The following MGAT3 variants were observed in gnomAD, a reference collection of about 807,000 sequenced individuals.
MGAT3 encodes beta-1,4-mannosyl-glycoprotein 4-beta-N-acetylglucosaminyltransferase, also known as GlcNAc-T III.
MGAT3 carries 9 observed loss-of-function variants against 29.8 expected under a neutral mutation model. That is an observed-to-expected ratio of 0.30 (90% CI 0.18 to 0.53). The LOEUF (loss-of-function observed/expected upper bound fraction) is 0.53, where lower values mean the gene tolerates loss of function less well. MGAT3 is among the 20% of genes least tolerant of loss of function. The probability of loss-of-function intolerance (pLI) is 0.96; values close to 1 mark genes in which losing one functional copy is unlikely to be tolerated. For missense variants in MGAT3, 557 were observed against 769.5 expected (o/e 0.72, Z 3.27); for synonymous variants, 397 against 348.9 (o/e 1.14, Z -1.54).
chr22:39,487,769 A>C lies in MGAT3; in HGVS notation c.422A>C (p.Asn141Thr). The change falls in exon 2 of 2, where the codon AAC becomes ACC. Residue 141 changes from asparagine (N) to threonine (T), a missense_variant. Around this residue, in one of 3 missense-constraint regions of MGAT3, gnomAD observed 212 missense variants for 228.5 expected, o/e 0.93. Transcript: ENST00000341184. This position sits in a 1 kb window ranked among gnomAD's most constrained non-coding sequence, Gnocchi z 5.7. ...CCGGAGGAGAAGCCTGAGGGGGCCAACGGCTCCTCGGCCCGGCGGCCACCC... is the reference window on the plus strand; with the variant it reads ...CCGGAGGAGAAGCCTGAGGGGGCCACCGGCTCCTCGGCCCGGCGGCCACCC... ...GRPEEKPEGA[N>T]GSSARRPPRY... is the part of the protein sequence containing the mutation. 3 of 1,504,586 alleles carry C rather than the reference A, an allele frequency of 2.0e-6. No individual in the cohort carries two copies. The highest frequency in any genetic ancestry group is 2.7e-6 in the Non-Finnish European group (3 of 1,129,650). The allele number at this position is 1,504,586 out of a possible 1,614,324, so 93.2% of individuals were successfully genotyped here.
chr22:39,476,535 C>A (rs1928969871), intron 1 of MGAT3: 1 of 152,228 alleles, frequency 6.6e-6, no homozygotes, highest in African/African-American at 2.4e-5. Flanking sequence ...CCAGGCCTGG[C>A]CCCTGAAGCA....
At chr22:39,461,824 GCCAGTGA>G (rs1928505691) in intron 1 of MGAT3, among the ~76,000 whole-genome samples, 1 of 152,092 alleles carries the variant, frequency 6.6e-6, no homozygotes, top group Non-Finnish European at 1.5e-5. Context: ...TCCTATGGCA[GCCAGTGA>G]CAGAGGTTCC....
At position 39,489,461 on chromosome 22, in the gene MGAT3, G is replaced by A. The variant is rs1462626158; in HGVS notation, c.*512G>A. The stretch of plus-strand genomic sequence containing the variant: ...CGTGGACACCTCGTAGGGAAGAGAT[G>A]AAAAAGCCACATCCTACCAAGAGGA... On this transcript the variant is annotated 3_prime_UTR_variant, in exon 2 of 2. Transcript: ENST00000341184. The A allele has an allele frequency of 5.6e-6, 1 of 177,606 alleles. No individual in the cohort carries two copies. The highest frequency in any genetic ancestry group is 1.3e-5 in the Non-Finnish European group (1 of 74,234). The allele number at this position is 177,606 out of a possible 1,614,324, so 11.0% of individuals were successfully genotyped here.
chr22:39,465,764 T>C (rs1171657845), intron 1 of MGAT3, among the ~76,000 whole-genome samples: 4 of 151,796 alleles, frequency 2.6e-5, no homozygotes, highest in Non-Finnish European at 5.9e-5. Flanking sequence ...AAGCCCCGTC[T>C]CTACTAAAAA....
In MGAT3 at chr22:39,457,308, C is replaced by A. The variant is rs7286488; in HGVS notation, c.-251C>A. 7.1e-6 allele frequency: 1 copy of A among 141,738 alleles called. No individual in the cohort carries two copies. The highest frequency in any genetic ancestry group is 1.6e-5 in the Non-Finnish European group (1 of 64,122). 8.8% of individuals were successfully genotyped at this position (141,738 alleles called of 1,614,324 possible). A position where few individuals can be genotyped will look rare whatever the true frequency, so the allele number is the denominator to read the frequency against. ...GCTCGCCGGGCCCCCGCCGCCGCCC[C>A]GGGGTGCAGCCGAGCGGCCGCGCCG... On this transcript the variant is annotated 5_prime_UTR_variant, in exon 1 of 2. Transcript: ENST00000341184. This position sits in a 1 kb window ranked among gnomAD's most constrained non-coding sequence, Gnocchi z 6.8.
In MGAT3 at chr22:39,481,126, C is replaced by G. The variant is rs532454485; in HGVS notation, c.-1-6221C>G. ...TGTGATCTGGGTTTGTTCCCTGCCC[C>G]CCATGTCCCCTCACTTGCTCCGTCC... On this transcript the variant is annotated intron_variant, in intron 1 of 1. Transcript: ENST00000341184. Among the ~76,000 whole-genome samples, 4 of 152,362 alleles carry G rather than the reference C, an allele frequency of 2.6e-5. No homozygotes were observed. In the South Asian group the frequency reaches 8.3e-4, roughly 32 times the overall value.
intron 1 of MGAT3, among the ~76,000 whole-genome samples, chr22:39,462,216 T>G (rs1330587984): frequency 1.3e-5 from 2 of 152,198 alleles, no homozygotes; most frequent in Non-Finnish European, 2.9e-5. Context: ...ACCCACTCTT[T>G]ACATCTTAGC....
In MGAT3 at chr22:39,488,880, C is replaced by CGGGT; in HGVS notation, c.1536_1539dup (p.Arg514ValfsTer66). On this transcript the variant is annotated frameshift_variant, in exon 2 of 2. Coordinates refer to ENST00000341184, the MANE Select transcript of MGAT3 (RefSeq NM_002409.5). ...AGGAGCCCAGGAGCACGGCGGCGGG[C>CGGGT]GGGTGGCGCCACAGGGGTCCCGAGG... 6.3e-7 allele frequency: 1 copy of CGGGT among 1,598,312 alleles called. No homozygotes were observed. The highest frequency in any genetic ancestry group is 2.3e-5 in the East Asian group (1 of 44,016).
intron 1 of MGAT3, among the ~76,000 whole-genome samples, chr22:39,469,402 C>CT (rs1482949902): frequency 6.6e-6 from 1 of 152,206 alleles, no homozygotes; most frequent in East Asian, 1.9e-4. Context: ...GCCCTCCTTG[C>CT]TGCCCAGCCC....
At chr22:39,478,796 G>A (rs1929042772) in intron 1 of MGAT3, among the ~76,000 whole-genome samples, 1 of 152,228 alleles carries the variant, frequency 6.6e-6, no homozygotes, top group African/African-American at 2.4e-5. Flanking sequence ...TGAGGTCATG[G>A]CTGGGTCATG....
intron 1 of MGAT3, among the ~76,000 whole-genome samples, chr22:39,464,176 A>G (rs1928572696): frequency 6.6e-6 from 1 of 152,174 alleles, no homozygotes; most frequent in East Asian, 1.9e-4. Context: ...CTCTTCCTGG[A>G]AGCAAGTCCC....
At position 39,487,215 on chromosome 22, in the gene MGAT3, C is replaced by A; in HGVS notation, c.-1-132C>A. The A allele has an allele frequency of 1.0e-6, 1 of 971,894 alleles. No individual in the cohort carries two copies. Among genetic ancestry groups the A allele is most frequent in the Non-Finnish European group, 1.5e-6 (1 of 650,976 alleles). The allele number at this position is 971,894 out of a possible 1,614,324, so 60.2% of individuals were successfully genotyped here. A position where few individuals can be genotyped will look rare whatever the true frequency, so the allele number is the denominator to read the frequency against. On this transcript the variant is annotated intron_variant, in intron 1 of 1. Coordinates refer to ENST00000341184, the MANE Select transcript of MGAT3 (RefSeq NM_002409.5). The surrounding 1 kb of genome is among the most constrained non-coding windows in gnomAD (Gnocchi z 5.7). ...GTTGACTCTTGGGGGCAGGAGGTCA[C>A]TCCATGCAGGGGCAGCAGGTGCTGG...
At chr22:39,472,770 C>T (rs1164002401) in intron 1 of MGAT3, 1 of 152,238 alleles carries the variant, frequency 6.6e-6, no homozygotes, top group Non-Finnish European at 1.5e-5. Context: ...GTTAGTTCCT[C>T]CTGCAGTCAT....
rs752397179 is a variant in MGAT3 at position 39,488,433 on chromosome 22, G to T, written c.1086G>T (p.Val362=). The change falls in exon 2 of 2, where the codon GTG becomes GTT. Residue 362 remains valine (V), a synonymous_variant. Coordinates refer to ENST00000341184, the MANE Select transcript of MGAT3 (RefSeq NM_002409.5). ...FWKQPGTLEV[V]SGCTVDMLQA... ...AGCAGCCGGGCACCCTGGAGGTGGT[G>T]TCAGGCTGCACGGTGGACATGCTGC... is the stretch of plus-strand genomic sequence containing the variant. 6.2e-7 allele frequency: 1 copy of T among 1,612,840 alleles called. No individual in the cohort carries two copies. Among genetic ancestry groups the T allele is most frequent in the Non-Finnish European group, 8.5e-7 (1 of 1,180,028 alleles).
rs1601733676 is a variant in MGAT3 at position 39,491,346 on chromosome 22, A to G, written c.*2397A>G. ...CTCTTGGGGCTGAGAGGTGGCTCAA[A>G]CACTCGGGGTCCCTATGGCTCTGGG... On this transcript the variant is annotated 3_prime_UTR_variant, in exon 2 of 2. Coordinates refer to ENST00000341184, the MANE Select transcript of MGAT3 (RefSeq NM_002409.5). This position sits in a 1 kb window ranked among gnomAD's most constrained non-coding sequence, Gnocchi z 5.5. 1 of 167,556 alleles carries G rather than the reference A, an allele frequency of 6.0e-6. No homozygotes were observed. The highest frequency in any genetic ancestry group is 1.5e-5 in the Non-Finnish European group (1 of 68,368). The allele number at this position is 167,556 out of a possible 1,614,324, so 10.4% of individuals were successfully genotyped here.
In MGAT3 at chr22:39,478,268, G is replaced by A. The variant is rs967956050; in HGVS notation, c.-1-9079G>A. 2.6e-5 allele frequency among the ~76,000 whole-genome samples: 4 copies of A among 152,356 alleles called. No individual in the cohort carries two copies. In the South Asian group the frequency reaches 8.3e-4, roughly 32 times the overall value. ...CTTCCTGCCCAGAAGTAGAGACTGA[G>A]GTTGTTTCTGGCATCCTCCAAAATG... On this transcript the variant is annotated intron_variant, in intron 1 of 1. Coordinates refer to ENST00000341184, the MANE Select transcript of MGAT3 (RefSeq NM_002409.5).
At chr22:39,485,135 T>G (rs17001167) in intron 1 of MGAT3, among the ~76,000 whole-genome samples, 18,579 of 152,236 alleles carry the variant, frequency 0.12, 1,261 homozygotes, top group Admixed American at 0.16. Flanking sequence ...TGTCTCAGCC[T>G]TTTCTGTGAC....
chr22:39,469,760 A>T (rs1007390700), intron 1 of MGAT3, among the ~76,000 whole-genome samples: 1 of 152,186 alleles, frequency 6.6e-6, no homozygotes, highest in African/African-American at 2.4e-5. Flanking sequence ...GGCTGGAGAT[A>T]GAGCTGAGGC....
intron 1 of MGAT3, among the ~76,000 whole-genome samples, chr22:39,483,668 T>C (rs565706727): frequency 1.3e-5 from 2 of 152,068 alleles, no homozygotes; most frequent in Non-Finnish European, 2.9e-5. Context: ...CCCCTTTTGC[T>C]CACCCAGCTG....
Sources: allele counts gnomAD v4.1 joint callset (sites outside exome capture counted in the v4.1 genomes callset), GRCh38; gene constraint gnomAD v4.1.1; regional missense constraint gnomAD v4.1.1; non-coding constraint Gnocchi (gnomAD v3.1); transcripts MANE v1.5; gene names NCBI Gene and HGNC (gene_info 2026-07-23, HGNC 2026-07-21).